Variants in TRPC4 observed in about 807,000 individuals in gnomAD.
TRPC4 encodes the protein transient receptor potential cation channel subfamily C member 4, also known as short transient receptor potential channel 4.
A neutral mutation model predicts 99.4 loss-of-function variants in TRPC4; 49 were observed. That is an observed-to-expected ratio of 0.49 (90% CI 0.39 to 0.63). TRPC4 has a LOEUF of 0.63. Among genes scored for constraint, TRPC4 ranks in the 20% least tolerant of loss-of-function variants. The pLI is 0.00. For missense variants in TRPC4, 898 were observed against 1,152.9 expected (o/e 0.78, Z 3.20); for synonymous variants, 454 against 425.9 (o/e 1.07, Z -0.81).
chr13:37,641,533 G>A (rs1424127981), intron 8 of TRPC4, among the ~76,000 whole-genome samples: 1 of 152,166 alleles, frequency 6.6e-6, no homozygotes, highest in Non-Finnish European at 1.5e-5. Flanking sequence ...CAAAATGAAT[G>A]CAGTGCGCTC....
intron 6 of TRPC4, among the ~76,000 whole-genome samples, chr13:37,659,579 G>C (rs1952360267): frequency 6.6e-6 from 1 of 152,178 alleles, no homozygotes; most frequent in South Asian, 2.1e-4. Context: ...GCAGTATCCT[G>C]TAAGAAATGG....
chr13:37,644,721 A>T (rs1951817451), intron 8 of TRPC4, among the ~76,000 whole-genome samples: 3 of 151,792 alleles, frequency 2.0e-5, no homozygotes, highest in Admixed American at 1.3e-4. Context: ...ATACACAAAA[A>T]AATTTGCCAG....
chr13:37,669,502 A>G (rs1952764614), intron 5 of TRPC4, among the ~76,000 whole-genome samples: 2 of 152,340 alleles, frequency 1.3e-5, no homozygotes, highest in South Asian at 4.1e-4. Flanking sequence ...GATACTCAAG[A>G]AAACACCACA....
chr13:37,783,025 A>G lies in TRPC4; in HGVS notation c.309T>C (p.Ala103=), dbSNP rs1396050050. Residue 103 remains alanine, a synonymous_variant, in exon 2 of 11, where the codon GCT becomes GCC. Transcript: ENST00000379705. The part of the protein sequence containing the change: ...NVYVGDALLH[A]IRKEVVGAVE... ...CAGCTCCGACGACTTCTTTTCTGAT[A>G]GCATGTAATAGAGCATCTCCAACAT... is the stretch of plus-strand genomic sequence containing the variant. The G allele has an allele frequency of 3.1e-6, 5 of 1,609,482 alleles. No homozygotes were observed. Among genetic ancestry groups the G allele is most frequent in the Non-Finnish European group, 4.2e-6 (5 of 1,178,034 alleles).
At chr13:37,828,317 T>A (rs938579579) in intron 1 of TRPC4, among the ~76,000 whole-genome samples, 2 of 152,096 alleles carry the variant, frequency 1.3e-5, no homozygotes, top group African/African-American at 2.4e-5. Context: ...TGGTTATTTT[T>A]AAAAAGCCAA....
intron 1 of TRPC4, among the ~76,000 whole-genome samples, chr13:37,850,400 T>G (rs1196485701): frequency 1.3e-5 from 2 of 152,212 alleles, no homozygotes; most frequent in Non-Finnish European, 2.9e-5. Flanking sequence ...AATTTGTTAT[T>G]TTATACAAAA....
chr13:37,698,181 G>T (rs200771677), intron 3 of TRPC4, among the ~76,000 whole-genome samples: 1 of 3,888 alleles, frequency 2.6e-4, no homozygotes, highest in Non-Finnish European at 4.7e-4. Context: ...TTTTTTTTGA[G>T]TGGGAATCTC....
intron 1 of TRPC4, among the ~76,000 whole-genome samples, chr13:37,818,858 G>A (rs1957935734): frequency 6.6e-6 from 1 of 151,804 alleles, no homozygotes. Flanking sequence ...GTAGATGATG[G>A]GTTGATAGGT....
rs1951502629 is a variant in TRPC4, at chr13:37,635,922, C to A, written c.*981G>T. On this transcript the variant is annotated 3_prime_UTR_variant, in exon 11 of 11. Coordinates refer to ENST00000379705, the MANE Select transcript of TRPC4 (RefSeq NM_016179.4). The stretch of plus-strand genomic sequence containing the variant: ...GATTACTGGTGAAAAGAGGAGACTG[C>A]TAGTTTTTTTGTACTTCTTTTGAAT... Among the ~76,000 whole-genome samples the A allele has an allele frequency of 6.6e-6, 1 of 151,922 alleles. No homozygotes were observed.
chr13:37,778,015 A>G (rs1956753174), intron 2 of TRPC4, among the ~76,000 whole-genome samples: 1 of 152,046 alleles, frequency 6.6e-6, no homozygotes, highest in African/African-American at 2.4e-5. Flanking sequence ...GTCACAATTA[A>G]TATTTATTGG....
intron 1 of TRPC4, among the ~76,000 whole-genome samples, chr13:37,842,891 G>A (rs926827025): frequency 3.3e-5 from 5 of 152,150 alleles, no homozygotes; most frequent in Non-Finnish European, 5.9e-5. Flanking sequence ...TTTCCTAGAC[G>A]CTGTACAGCT....
chr13:37,866,271 C>T (rs572112490), intron 1 of TRPC4, among the ~76,000 whole-genome samples: 1 of 151,754 alleles, frequency 6.6e-6, no homozygotes, highest in African/African-American at 2.4e-5. Context: ...CTCAAGAAGT[C>T]ATTATTCTAT....
intron 3 of TRPC4, among the ~76,000 whole-genome samples, chr13:37,745,388 T>G (rs1366538509): frequency 6.8e-6 from 1 of 147,342 alleles, no homozygotes; most frequent in East Asian, 2.0e-4. Flanking sequence ...AATCCAAGGA[T>G]GCGGAACCTG....
intron 5 of TRPC4, among the ~76,000 whole-genome samples, chr13:37,669,421 T>G (rs1234672938): frequency 6.6e-6 from 1 of 152,164 alleles, no homozygotes; most frequent in Non-Finnish European, 1.5e-5. Flanking sequence ...ATTGACAAAC[T>G]TTCCTCTAGA....
chr13:37,679,283 C>T (rs988627562), intron 4 of TRPC4, among the ~76,000 whole-genome samples: 2 of 152,056 alleles, frequency 1.3e-5, no homozygotes, highest in Non-Finnish European at 2.9e-5. Flanking sequence ...CATTTTATAT[C>T]TCTGCATTCA....
At chr13:37,663,289 C>T in intron 6 of TRPC4, 127 bp downstream of exon 6, 1 of 813,846 alleles carries the variant, frequency 1.2e-6, no homozygotes, top group Non-Finnish European at 1.8e-6. Context: ...ATTCTGTTTT[C>T]TGCATTAAGC....
chr13:37,783,208 C>G lies in TRPC4; in HGVS notation c.126G>C (p.Lys42Asn), dbSNP rs772508523. ...ATTTCTTGACACTGGCATAATCTCCCTTTTCCACAGCATTCAAGTAGGCTT... is the reference window on the plus strand; with the variant it reads ...ATTTCTTGACACTGGCATAATCTCCGTTTTCCACAGCATTCAAGTAGGCTT... The part of the protein sequence containing the change: ...SEKAYLNAVE[K>N]GDYASVKKSL... The change falls in exon 2 of 11, where the codon AAG (lysine) becomes AAC (asparagine). Residue 42 changes from lysine to asparagine, a missense_variant. Lys to Asn is a moderately conservative substitution (Grantham distance 94). Transcript: ENST00000379705. 4.3e-6 allele frequency: 7 copies of G among 1,613,568 alleles called. No individual in the cohort carries two copies. The South Asian group carries it at 7.7e-5, about 18-fold the overall frequency.
chr13:37,660,904 G>C lies in TRPC4; in HGVS notation c.1688+2512C>G, dbSNP rs1444651358. Among the ~76,000 whole-genome samples, 3 of 152,296 alleles carry C rather than the reference G, an allele frequency of 2.0e-5. No homozygotes were observed. In the East Asian group the frequency reaches 5.8e-4, roughly 29 times the overall value. On this transcript the variant is annotated intron_variant, in intron 6 of 10. Coordinates refer to ENST00000379705, the MANE Select transcript of TRPC4 (RefSeq NM_016179.4). ...ACTATATACCCTGTGACAATGACTGGTGTCCGTTTTGCTTAAACAGAGTCA... is the reference window on the plus strand; with the variant it reads ...ACTATATACCCTGTGACAATGACTGCTGTCCGTTTTGCTTAAACAGAGTCA...
rs779614401 is a variant in TRPC4 at position 37,639,351 on chromosome 13, T to TA, written c.2080-53dup. 4.6e-6 allele frequency: 7 copies of TA among 1,518,766 alleles called. No homozygotes were observed. In the African/African-American group the frequency reaches 9.9e-5, roughly 21 times the overall value. The allele number at this position is 1,518,766 out of a possible 1,614,324, so 94.1% of individuals were successfully genotyped here. A position where few individuals can be genotyped will look rare whatever the true frequency, so the allele number is the denominator to read the frequency against. On this transcript the variant is annotated intron_variant, in intron 8 of 10. Coordinates refer to ENST00000379705, the MANE Select transcript of TRPC4 (RefSeq NM_016179.4). ...TGGTTATACTGTTATATTACTATTCTAAAAAATAATTTATTTTTTTAATCG... is the reference window on the plus strand; with the variant it reads ...TGGTTATACTGTTATATTACTATTCTAAAAAAATAATTTATTTTTTTAATCG...
Sources: allele counts gnomAD v4.1 joint callset (sites outside exome capture counted in the v4.1 genomes callset), GRCh38; gene constraint gnomAD v4.1.1; transcripts MANE v1.5; gene names NCBI Gene and HGNC (gene_info 2026-07-23, HGNC 2026-07-21).